Variants in AEBP2 observed in about 807,000 individuals in gnomAD.
The protein encoded by AEBP2 is zinc finger protein AEBP2.
AEBP2 carries 10 observed loss-of-function variants against 50.8 expected under a neutral mutation model. The ratio of observed to expected loss-of-function variants is 0.20; its 90% confidence interval spans 0.12 to 0.33. AEBP2 has a LOEUF of 0.33. Among genes scored for constraint, AEBP2 ranks in the 10% least tolerant of loss-of-function variants. The probability of loss-of-function intolerance (pLI) is 1.00; values close to 1 mark genes in which losing one functional copy is unlikely to be tolerated. For missense variants in AEBP2, 570 were observed against 688.0 expected (o/e 0.83, Z 1.92); for synonymous variants, 296 against 261.3 (o/e 1.13, Z -1.28).
intron 1 of AEBP2, chr12:19,457,458 T>A: frequency 6.6e-7 from 1 of 1,519,896 alleles, no homozygotes; most frequent in East Asian, 2.2e-5. Flanking sequence ...ACGCTCAGCT[T>A]TCAGTTTATC....
chr12:19,436,850 TCA>T (rs1947866108), upstream of AEBP2, among the ~76,000 whole-genome samples: 1 of 152,104 alleles, frequency 6.6e-6, no homozygotes, highest in Admixed American at 6.6e-5. Flanking sequence ...TCCCCCTGCT[TCA>T]GTTTCCCAAA....
At chr12:19,456,853 T>G in intron 1 of AEBP2, 1 of 1,530,044 alleles carries the variant, frequency 6.5e-7, no homozygotes, top group Non-Finnish European at 9.1e-7. Flanking sequence ...ACAGGAACAG[T>G]ACCAATACCA....
At chr12:19,438,753 G>A (rs968519664), upstream of AEBP2, among the ~76,000 whole-genome samples, 5 of 152,130 alleles carry the variant, frequency 3.3e-5, no homozygotes, top group African/African-American at 7.2e-5. Context: ...GAGGAGATAT[G>A]CAACGTCAAT....
At chr12:19,491,827 C>T (rs1365325591) in intron 3 of AEBP2, among the ~76,000 whole-genome samples, 1 of 152,006 alleles carries the variant, frequency 6.6e-6, no homozygotes, top group Non-Finnish European at 1.5e-5. Context: ...AAATATACAT[C>T]TCTGTGTTCA....
In AEBP2 at chr12:19,439,933, G is replaced by A. The variant is rs1411105543; in HGVS notation, c.234G>A (p.Glu78=). 1.3e-6 allele frequency: 2 copies of A among 1,514,070 alleles called. No individual in the cohort carries two copies. The highest frequency in any genetic ancestry group is 1.8e-6 in the Non-Finnish European group (2 of 1,138,370). 93.8% of individuals were successfully genotyped at this position (1,514,070 alleles called of 1,614,324 possible). ...GCGGCGGAGGAGTGGGGGGCGGCGAGGCAGAGACGATGTCGGAGCCGAGCC... is the reference window on the plus strand; with the variant it reads ...GCGGCGGAGGAGTGGGGGGCGGCGAAGCAGAGACGATGTCGGAGCCGAGCC... ...GGGGGGVGGG[E]AETMSEPSPE... Residue 78 remains glutamate, a synonymous_variant, in exon 1 of 8, where the codon GAG becomes GAA. Transcript: ENST00000266508.
At position 19,521,928 on chromosome 12, in the gene AEBP2, T is replaced by C. The variant is rs1205214482; in HGVS notation, c.*3811T>C. The C allele has an allele frequency of 1.3e-5, 2 of 152,114 alleles. No homozygotes were observed. The highest frequency in any genetic ancestry group is 2.9e-5 in the Non-Finnish European group (2 of 68,002). The allele number at this position is 152,114 out of a possible 1,614,324, so 9.4% of individuals were successfully genotyped here. The stretch of plus-strand genomic sequence containing the variant: ...TAAAAAAAGAAACCTTTAATACCTC[T>C]GCATAAGTTCTCTGAAAGAACTTAA... On this transcript the variant is annotated 3_prime_UTR_variant, in exon 8 of 8. Coordinates refer to ENST00000266508, the MANE Select transcript of AEBP2 (RefSeq NM_153207.5).
intron 3 of AEBP2, among the ~76,000 whole-genome samples, chr12:19,475,912 A>G (rs911206168): frequency 1.3e-5 from 2 of 152,128 alleles, no homozygotes; most frequent in African/African-American, 4.8e-5. Context: ...TGCCTTGTCA[A>G]TTTTGAACAT....
intron 5 of AEBP2, among the ~76,000 whole-genome samples, chr12:19,511,616 C>T (rs1949233513): frequency 6.6e-6 from 1 of 152,076 alleles, no homozygotes; most frequent in South Asian, 2.1e-4. Context: ...TGAGGAGGTC[C>T]AGAAGAATGG....
At chr12:19,413,162 G>A (rs2095740391) in intron 1 of AEBP2, 3 of 742,808 alleles carry the variant, frequency 4.0e-6, no homozygotes, top group South Asian at 1.4e-5. Context: ...GGATCCTGGC[G>A]ATGCAGCCCA....
At chr12:19,425,497 C>T (rs529170308) in intron 1 of AEBP2, among the ~76,000 whole-genome samples, 11 of 151,940 alleles carry the variant, frequency 7.2e-5, no homozygotes, top group African/African-American at 2.4e-4. Flanking sequence ...CCAGGTCTGG[C>T]GGCTCATGCT....
intron 6 of AEBP2, among the ~76,000 whole-genome samples, chr12:19,513,806 A>C (rs1949272299): frequency 1.3e-5 from 2 of 152,030 alleles, no homozygotes; most frequent in Admixed American, 6.6e-5. Context: ...TGTTTTGGAA[A>C]TTGATTAATC....
intron 1 of AEBP2, among the ~76,000 whole-genome samples, chr12:19,451,718 G>A (rs1269915082): frequency 3.4e-5 from 5 of 148,578 alleles, no homozygotes; most frequent in Admixed American, 3.4e-4. Context: ...ACAAGGTCTC[G>A]CTTGCTGGGT....
Position 19,415,655 on chromosome 12 carries a change from T to TCAATACAATACAATACAATA in AEBP2, c.-17+11481_-17+11500dup, listed in dbSNP as rs58109649. ...AGGTTTACAGAGATGAGAGATTAAATCAATACAATACAATACAATACAATA... is the reference window on the plus strand; with the variant it reads ...AGGTTTACAGAGATGAGAGATTAAATCAATACAATACAATACAATACAATACAATACAATACAATACAATA... On this transcript the variant is annotated intron_variant, in intron 1 of 3. Transcript: ENST00000538425. Among the ~76,000 whole-genome samples the TCAATACAATACAATACAATA allele has an allele frequency of 6.2e-3, 815 of 131,972 alleles. 9 individuals are homozygous for TCAATACAATACAATACAATA. Among genetic ancestry groups the TCAATACAATACAATACAATA allele is most frequent in the East Asian group, 8.6e-3 (37 of 4,312 alleles). The allele number at this position is 131,972 out of a possible 152,430, so 86.6% of individuals were successfully genotyped here.
chr12:19,449,096 T>C (rs1948123455), intron 1 of AEBP2, among the ~76,000 whole-genome samples: 1 of 152,176 alleles, frequency 6.6e-6, no homozygotes, highest in Admixed American at 6.5e-5. Context: ...TTTTGAGGTG[T>C]TCAGTCAAGA....
intron 1 of AEBP2, among the ~76,000 whole-genome samples, chr12:19,442,127 G>C (rs769506027): frequency 6.6e-6 from 1 of 152,166 alleles, no homozygotes; most frequent in Non-Finnish European, 1.5e-5. Flanking sequence ...ATAAGTTGAG[G>C]CCGGGCGCGG....
At chr12:19,486,747 C>T (rs1187787489) in intron 3 of AEBP2, among the ~76,000 whole-genome samples, 2 of 152,058 alleles carry the variant, frequency 1.3e-5, no homozygotes, top group Non-Finnish European at 2.9e-5. Context: ...TAATTACACA[C>T]ACATATTCAT....
intron 1 of AEBP2, among the ~76,000 whole-genome samples, chr12:19,431,956 G>C (rs1168946167): frequency 6.6e-6 from 1 of 152,110 alleles, no homozygotes; most frequent in Non-Finnish European, 1.5e-5. Flanking sequence ...TTTTTCAGAA[G>C]TATGTCATTT....
At chr12:19,440,475 A>T (rs573821758) in intron 1 of AEBP2, 105 bp downstream of exon 1, 1 of 1,405,838 alleles carries the variant, frequency 7.1e-7, no homozygotes. Context: ...TGCTCCCCGA[A>T]TCCTCGGCCC....
intron 1 of AEBP2, among the ~76,000 whole-genome samples, chr12:19,427,929 C>T (rs1012937034): frequency 1.3e-5 from 2 of 151,572 alleles, no homozygotes; most frequent in Non-Finnish European, 2.9e-5. Flanking sequence ...TTTTCTGAGA[C>T]GAAGTTTCTC....
Sources: gnomAD v4.1 joint callset for allele counts (sites outside exome capture counted in the v4.1 genomes callset) on GRCh38, gnomAD v4.1.1 for gene constraint, MANE v1.5 for transcripts, NCBI Gene and HGNC (gene_info 2026-07-23, HGNC 2026-07-21) for gene names.